PM20D2: variants seen among roughly 807,000 people sequenced by gnomAD.
PM20D2 encodes the protein peptidase M20 domain containing 2, also known as xaa-Arg dipeptidase.
Under a neutral mutation model 42.9 loss-of-function variants are expected in PM20D2, and 33 were observed. That is an observed-to-expected ratio of 0.77 (90% CI 0.58 to 1.03). The LOEUF is 1.03. PM20D2 is among the 50% of genes least tolerant of loss of function. The pLI, the probability that PM20D2 is intolerant of heterozygous loss-of-function variation, is 0.00. For missense variants in PM20D2, 548 were observed against 557.0 expected, an observed-to-expected ratio of 0.98 and a Z score of 0.16; for synonymous variants, 250 against 228.2, an observed-to-expected ratio of 1.10 and a Z score of -0.86.
At chr6:89,111,473 T>C in the PM20D2 span, among the ~76,000 whole-genome samples, 4 of 152,202 alleles carry the variant, frequency 2.6e-5, no homozygotes, top group African/African-American at 7.2e-5. Flanking sequence ...TGTTAATATA[T>C]AGAAATAAAG....
chr6:89,113,439 T>C, the PM20D2 span, among the ~76,000 whole-genome samples: 21 of 152,294 alleles, frequency 1.4e-4, no homozygotes, highest in East Asian at 3.9e-3. Context: ...CCCAAAGTGC[T>C]GGGATTATAG....
the PM20D2 span, chr6:89,107,119 G>C: frequency 6.5e-7 from 1 of 1,541,080 alleles, no homozygotes. Context: ...CGCATATACA[G>C]TATATTCACA....
the PM20D2 span, among the ~76,000 whole-genome samples, chr6:89,116,583 T>C: frequency 1.3e-5 from 2 of 152,252 alleles, no homozygotes; most frequent in Middle Eastern, 3.4e-3. Context: ...GAGATCAGCC[T>C]GGCCAACATA....
the PM20D2 span, among the ~76,000 whole-genome samples, chr6:89,100,060 G>T: frequency 6.6e-6 from 1 of 151,982 alleles, no homozygotes; most frequent in Admixed American, 6.6e-5. Flanking sequence ...AAAATGGGTG[G>T]GACACGAGAG....
At chr6:89,140,663 T>G in the PM20D2 span, among the ~76,000 whole-genome samples, 2 of 152,194 alleles carry the variant, frequency 1.3e-5, no homozygotes, top group Non-Finnish European at 2.9e-5. Context: ...AGTGTTGTTT[T>G]GTACACACTG....
At chr6:89,110,340 T>C in the PM20D2 span, among the ~76,000 whole-genome samples, 1 of 152,126 alleles carries the variant, frequency 6.6e-6, no homozygotes, top group Non-Finnish European at 1.5e-5. Context: ...GCCACTCAAG[T>C]GCATTGGTTA....
rs762613322 is a variant in PM20D2 at position 89,158,421 on chromosome 6, GA to G, written c.1010del (p.Glu337GlyfsTer9). The G allele has an allele frequency of 2.5e-6, 4 of 1,612,308 alleles. No homozygotes were observed. The highest frequency in any genetic ancestry group is 3.4e-5 in the Admixed American group (2 of 59,412). On this transcript the variant is annotated frameshift_variant, in exon 5 of 7. Transcript: ENST00000275072. LOFTEE classifies it high-confidence loss of function. Reference sequence around the variant, plus strand: ...GGAAAATGGAAGAAAGCTAGGAATAGAGTTCATTTCAGAAGATACAATGTTG... The same window carrying G: ...GGAAAATGGAAGAAAGCTAGGAATAGGTTCATTTCAGAAGATACAATGTTG... Reference protein sequence around the residue: ...YMENGRKLGIEFISEDTMLNG... With the variant: ...YMENGRKLGIXFISEDTMLNG...
the PM20D2 span, among the ~76,000 whole-genome samples, chr6:89,132,389 G>T: frequency 6.9e-6 from 1 of 145,618 alleles, no homozygotes; most frequent in East Asian, 1.9e-4. Flanking sequence ...GGCAGTTCCT[G>T]TGGAGATCTC....
upstream of PM20D2, among the ~76,000 whole-genome samples, chr6:89,142,526 T>C (rs1025322823): frequency 6.6e-6 from 1 of 152,234 alleles, no homozygotes; most frequent in Non-Finnish European, 1.5e-5. Flanking sequence ...GTAGGCTGGA[T>C]TCACATGCAC....
At chr6:89,142,704 CTGGAG>C (rs1310990815), upstream of PM20D2, among the ~76,000 whole-genome samples, 2 of 152,162 alleles carry the variant, frequency 1.3e-5, no homozygotes, top group African/African-American at 4.8e-5. Context: ...GTCACCCAGG[CTGGAG>C]TGCAGTGACG....
At chr6:89,134,719 ACT>A in the PM20D2 span, among the ~76,000 whole-genome samples, 1 of 150,878 alleles carries the variant, frequency 6.6e-6, no homozygotes, top group Non-Finnish European at 1.5e-5. Context: ...AAAATTAGAT[ACT>A]CTCTCAGGTG....
chr6:89,133,691 T>A, the PM20D2 span, among the ~76,000 whole-genome samples: 2 of 150,948 alleles, frequency 1.3e-5, no homozygotes, highest in East Asian at 3.9e-4. Flanking sequence ...GGGGACACAC[T>A]CTTTGTCCTT....
Position 89,146,183 on chromosome 6 carries a change from G to A in PM20D2, c.39G>A (p.Ala13=). The A allele has an allele frequency of 6.5e-7, 1 of 1,536,070 alleles. No individual in the cohort carries two copies. The highest frequency in any genetic ancestry group is 8.7e-7 in the Non-Finnish European group (1 of 1,149,184). Residue 13 remains alanine, a synonymous_variant, in exon 1 of 7, where the codon GCG becomes GCA. Coordinates refer to ENST00000275072, the MANE Select transcript of PM20D2 (RefSeq NM_001010853.3). Reference sequence around the variant, plus strand: ...GGGAGCGGCCCGTGGAAGGGGGCGCGTGCAATGGCCGCTCCGAGCTGGAGC... The same window carrying A: ...GGGAGCGGCCCGTGGAAGGGGGCGCATGCAATGGCCGCTCCGAGCTGGAGC... ...PGGERPVEGG[A]CNGRSELELL...
the PM20D2 span, among the ~76,000 whole-genome samples, chr6:89,131,387 T>C: frequency 6.6e-6 from 1 of 152,062 alleles, no homozygotes; most frequent in African/African-American, 2.4e-5. Flanking sequence ...CAATAAAGTT[T>C]TAAAAATTGA....
the PM20D2 span, among the ~76,000 whole-genome samples, chr6:89,114,689 A>G: frequency 4.1e-4 from 62 of 152,364 alleles, 1 homozygote; most frequent in East Asian, 0.012. Flanking sequence ...AATGAAGTAC[A>G]TAGATCAGAG....
At chr6:89,098,598 G>T in the PM20D2 span, 1 of 1,611,284 alleles carries the variant, frequency 6.2e-7, no homozygotes, top group South Asian at 1.1e-5. Context: ...TTTTTATGAC[G>T]ATAACTTCGA....
chr6:89,103,606 C>T, the PM20D2 span, among the ~76,000 whole-genome samples: 1 of 152,108 alleles, frequency 6.6e-6, no homozygotes, highest in African/African-American at 2.4e-5. Context: ...GCTGGGATTA[C>T]AGGCGTAAGC....
At chr6:89,143,837 G>A (rs1166073672), upstream of PM20D2, among the ~76,000 whole-genome samples, 1 of 152,166 alleles carries the variant, frequency 6.6e-6, no homozygotes, top group African/African-American at 2.4e-5. Flanking sequence ...GAGAAGTCTA[G>A]GAAGAAGCAT....
chr6:89,130,819 CTTTTTTTTTTTTTTTT>C, the PM20D2 span, among the ~76,000 whole-genome samples: 5 of 24,040 alleles, frequency 2.1e-4, no homozygotes, highest in African/African-American at 7.2e-4. Flanking sequence ...GCTTCTTCTT[CTTTTTTTTTTTTTTTT>C]TTTTTTTTTT....
Sources: allele counts gnomAD v4.1 joint callset (sites outside exome capture counted in the v4.1 genomes callset), GRCh38; gene constraint gnomAD v4.1.1; transcripts MANE v1.5; gene names NCBI Gene and HGNC (gene_info 2026-07-23, HGNC 2026-07-21).